CSMD1: variants seen among roughly 807,000 people sequenced by gnomAD.
CSMD1 encodes the protein CUB and Sushi multiple domains 1.
A neutral mutation model predicts 417.5 loss-of-function variants in CSMD1; 213 were observed. That is an observed-to-expected ratio of 0.51 (90% confidence interval 0.46 to 0.57). CSMD1 has a LOEUF of 0.57. Among genes scored for constraint, CSMD1 ranks in the 20% least tolerant of loss-of-function variants. The pLI is 0.00. For missense variants in CSMD1, 6,923 were observed against 4,529.7 expected, an observed-to-expected ratio of 1.53 and a Z score of -15.17; for synonymous variants, 2,862 against 1,736.8, an observed-to-expected ratio of 1.65 and a Z score of -16.11.
chr8:3,417,454 T>C (rs893400644), intron 12 of CSMD1, among the ~76,000 whole-genome samples: 1 of 152,234 alleles, frequency 6.6e-6, no homozygotes, highest in Non-Finnish European at 1.5e-5. Flanking sequence ...GAAAGCAATG[T>C]TGTCTAGCTT....
intron 26 of CSMD1, among the ~76,000 whole-genome samples, chr8:3,234,479 C>G (rs370986361): frequency 6.6e-6 from 1 of 152,140 alleles, no homozygotes; most frequent in Non-Finnish European, 1.5e-5. Flanking sequence ...GAAAACAGCA[C>G]TCTCAGTGGA....
chr8:3,781,714 C>A (rs1304929277), intron 5 of CSMD1, among the ~76,000 whole-genome samples: 1 of 152,098 alleles, frequency 6.6e-6, no homozygotes, highest in African/African-American at 2.4e-5. Context: ...CTAGGGTGTC[C>A]CCATGTGAGG....
intron 3 of CSMD1, among the ~76,000 whole-genome samples, chr8:4,060,891 C>G (rs1178208389): frequency 6.6e-6 from 1 of 152,162 alleles, no homozygotes; most frequent in African/African-American, 2.4e-5. Flanking sequence ...AAAAATAAAA[C>G]TCCCACTAAG....
intron 5 of CSMD1, among the ~76,000 whole-genome samples, chr8:3,852,787 C>G (rs1804006983): frequency 6.6e-6 from 1 of 152,096 alleles, no homozygotes; most frequent in Non-Finnish European, 1.5e-5. Flanking sequence ...CCAGCCTCTT[C>G]TGTCTCCTCC....
rs77840230 is a variant in CSMD1 at position 3,432,955 on chromosome 8, G to A, written c.1562-23350C>T. 8.6e-4 allele frequency among the ~76,000 whole-genome samples: 131 copies of A among 152,256 alleles called. No individual in the cohort carries two copies. The East Asian group carries it at 0.017, about 20-fold the overall frequency. On this transcript the variant is annotated intron_variant, in intron 12 of 69. Transcript: ENST00000635120. ...AAGAACATACCTTATCAATAAATGG[G>A]GGGGTTACAGTCAGGTTCTTCCAGT...
chr8:4,890,952 A>T (rs923407421), intron 1 of CSMD1, among the ~76,000 whole-genome samples: 2 of 152,102 alleles, frequency 1.3e-5, no homozygotes, highest in Non-Finnish European at 1.5e-5. Flanking sequence ...ATCCAAGGGA[A>T]AGTATTGGTG....
chr8:4,811,106 AT>A (rs1379492754), intron 1 of CSMD1, among the ~76,000 whole-genome samples: 2 of 152,186 alleles, frequency 1.3e-5, no homozygotes, highest in African/African-American at 4.8e-5. Flanking sequence ...AGTGGAAAGC[AT>A]TTTTATGGCA....
chr8:3,258,568 T>C (rs772326161), intron 26 of CSMD1, among the ~76,000 whole-genome samples: 14 of 152,184 alleles, frequency 9.2e-5, no homozygotes, highest in East Asian at 1.9e-4. Context: ...AGAAATATCA[T>C]TGGACCTAGC....
intron 5 of CSMD1, among the ~76,000 whole-genome samples, chr8:3,920,941 G>A (rs1039608453): frequency 1.3e-5 from 2 of 152,024 alleles, no homozygotes; most frequent in Admixed American, 6.6e-5. Flanking sequence ...TTCTTTTATT[G>A]TAATGTAATC....
At chr8:3,377,222 G>C (rs1039490341) in intron 18 of CSMD1, among the ~76,000 whole-genome samples, 2 of 152,232 alleles carry the variant, frequency 1.3e-5, no homozygotes, top group African/African-American at 4.8e-5. Context: ...GTGTTGCCCA[G>C]GCTGGCCTCG....
chr8:3,590,747 A>G (rs145404784), intron 8 of CSMD1, among the ~76,000 whole-genome samples: 74 of 152,308 alleles, frequency 4.9e-4, no homozygotes, highest in African/African-American at 1.6e-3. Flanking sequence ...ACGCCATTCC[A>G]GCAGCACAGC....
intron 29 of CSMD1, among the ~76,000 whole-genome samples, chr8:3,216,053 A>C (rs1797864086): frequency 6.7e-6 from 1 of 148,920 alleles, no homozygotes; most frequent in African/African-American, 2.4e-5. Context: ...CTATATTAAT[A>C]TATATTATAT....
chr8:3,317,662 C>T (rs73171156), intron 23 of CSMD1, among the ~76,000 whole-genome samples: 7 of 152,318 alleles, frequency 4.6e-5, no homozygotes, highest in Non-Finnish European at 8.8e-5. Flanking sequence ...AACCAGCCTA[C>T]AGTTATCTGG....
intron 1 of CSMD1, among the ~76,000 whole-genome samples, chr8:4,879,377 C>T (rs1413747639): frequency 1.3e-5 from 2 of 151,980 alleles, no homozygotes; most frequent in Non-Finnish European, 2.9e-5. Flanking sequence ...GAATAAATGG[C>T]ATGAGTAACT....
intron 3 of CSMD1, among the ~76,000 whole-genome samples, chr8:4,302,544 T>C (rs1023704524): frequency 3.9e-5 from 6 of 152,136 alleles, no homozygotes; most frequent in Non-Finnish European, 5.9e-5. Flanking sequence ...AGAGACCGTC[T>C]TGAAAGTCAG....
chr8:4,735,548 C>A (rs1222793684), intron 1 of CSMD1, among the ~76,000 whole-genome samples: 5 of 152,138 alleles, frequency 3.3e-5, no homozygotes, highest in East Asian at 1.9e-4. Flanking sequence ...TTTTTAAGGT[C>A]TCTTCCCTAG....
intron 1 of CSMD1, among the ~76,000 whole-genome samples, chr8:4,643,559 A>G (rs557922796): frequency 6.6e-6 from 1 of 152,198 alleles, no homozygotes; most frequent in Non-Finnish European, 1.5e-5. Flanking sequence ...AAAATGGTCC[A>G]TTGCGATTTT....
intron 5 of CSMD1, among the ~76,000 whole-genome samples, chr8:3,856,298 G>A (rs1183992977): frequency 1.3e-5 from 2 of 151,970 alleles, no homozygotes; most frequent in Admixed American, 6.6e-5. Flanking sequence ...TTCATCTTCC[G>A]CCATGATTGT....
At chr8:3,226,325 G>C (rs575862902) in intron 27 of CSMD1, among the ~76,000 whole-genome samples, 1 of 152,112 alleles carries the variant, frequency 6.6e-6, no homozygotes, top group Non-Finnish European at 1.5e-5. Flanking sequence ...GCTCACGCTT[G>C]TAATCCCAGC....
Sources: gnomAD v4.1 joint callset for allele counts (sites outside exome capture counted in the v4.1 genomes callset) on GRCh38, gnomAD v4.1.1 for gene constraint, MANE v1.5 for transcripts, NCBI Gene and HGNC (gene_info 2026-07-23, HGNC 2026-07-21) for gene names.